The following RBFOX1 variants were observed in gnomAD, a reference collection of about 807,000 sequenced individuals.
The protein encoded by RBFOX1 is RNA binding fox-1 homolog 1, also known as RNA binding protein fox-1 homolog 1.
A neutral mutation model predicts 57.7 loss-of-function variants in RBFOX1; 8 were observed. The ratio of observed to expected loss-of-function variants is 0.14; its 90% CI spans 0.08 to 0.25. The LOEUF is 0.25. Among genes scored for constraint, RBFOX1 ranks in the 10% least tolerant of loss-of-function variants. RBFOX1 has a pLI of 1.00. For synonymous variants in RBFOX1, 326 were observed against 222.4 expected (o/e 1.47, Z -4.15); for missense variants, 611 against 548.5 (o/e 1.11, Z -1.14).
intron 4 of RBFOX1, among the ~76,000 whole-genome samples, chr16:5,966,614 C>G (rs1354196397): frequency 1.3e-5 from 2 of 152,130 alleles, no homozygotes; most frequent in Non-Finnish European, 2.9e-5. Context: ...CCACCACAGC[C>G]AGCTAATTTT....
intron 2 of RBFOX1, among the ~76,000 whole-genome samples, chr16:6,407,567 G>GTGTATGTGTC (rs67151505): frequency 1.4e-5 from 2 of 144,970 alleles, no homozygotes; most frequent in Admixed American, 1.4e-4. Context: ...GTGTGTGTGT[G>GTGTATGTGTC]ACAGAGAGAG....
At chr16:6,890,259 C>G (rs374162916) in intron 3 of RBFOX1, among the ~76,000 whole-genome samples, 7 of 152,280 alleles carry the variant, frequency 4.6e-5, no homozygotes, top group African/African-American at 1.2e-4. Flanking sequence ...TAGCTCATGC[C>G]TGTAATCCTG....
chr16:6,274,989 G>T (rs895758177), intron 1 of RBFOX1, among the ~76,000 whole-genome samples: 1 of 152,172 alleles, frequency 6.6e-6, no homozygotes, highest in East Asian at 1.9e-4. Flanking sequence ...ACTTTTAGCT[G>T]AGATATGTCG....
intron 3 of RBFOX1, among the ~76,000 whole-genome samples, chr16:5,699,442 G>A (rs7191629): frequency 0.57 from 85,318 of 150,518 alleles, 26,755 homozygotes; most frequent in Non-Finnish European, 0.72. Flanking sequence ...ACACTGGTTT[G>A]GAGACAGTAG....
intron 3 of RBFOX1, among the ~76,000 whole-genome samples, chr16:6,663,998 T>A (rs780040067): frequency 1.2e-4 from 18 of 152,220 alleles, no homozygotes; most frequent in Admixed American, 2.6e-4. Flanking sequence ...GAGTATTATG[T>A]CCTTTAATAT....
At chr16:6,807,218 C>T (rs1348369195) in intron 3 of RBFOX1, among the ~76,000 whole-genome samples, 1 of 151,884 alleles carries the variant, frequency 6.6e-6, no homozygotes, top group Non-Finnish European at 1.5e-5. Context: ...GGAGTCTGTT[C>T]CAGTAGTTCA....
intron 4 of RBFOX1, among the ~76,000 whole-genome samples, chr16:7,367,729 A>G (rs1473150967): frequency 6.6e-6 from 1 of 152,212 alleles, no homozygotes; most frequent in Non-Finnish European, 1.5e-5. Context: ...CCTTAGCTGC[A>G]GTCATTTTTT....
chr16:7,704,722 G>C (rs576329036), intron 14 of RBFOX1, among the ~76,000 whole-genome samples: 4 of 152,298 alleles, frequency 2.6e-5, no homozygotes, highest in African/African-American at 9.6e-5. Flanking sequence ...ACAACATGAA[G>C]GGGTAGGGAT....
chr16:5,779,915 T>C (rs184721252), intron 3 of RBFOX1, among the ~76,000 whole-genome samples: 9 of 152,232 alleles, frequency 5.9e-5, no homozygotes, highest in Non-Finnish European at 1.0e-4. Context: ...ATGGTAATCA[T>C]ACTGATCTGA....
intron 1 of RBFOX1, among the ~76,000 whole-genome samples, chr16:5,428,136 G>C (rs1164725410): frequency 6.7e-6 from 1 of 148,976 alleles, no homozygotes; most frequent in Non-Finnish European, 1.5e-5. Flanking sequence ...GTGTGTGTGT[G>C]TGTGTGTGTG....
At chr16:5,831,833 C>A (rs528901958) in intron 3 of RBFOX1, among the ~76,000 whole-genome samples, 1 of 152,130 alleles carries the variant, frequency 6.6e-6, no homozygotes, top group African/African-American at 2.4e-5. Flanking sequence ...GTGAAATAAA[C>A]AAATTATTTA....
intron 2 of RBFOX1, among the ~76,000 whole-genome samples, chr16:6,536,711 AC>A (rs2096740386): frequency 6.6e-6 from 1 of 152,150 alleles, no homozygotes; most frequent in Non-Finnish European, 1.5e-5. Context: ...GGTGTCTTAG[AC>A]CCAACAAGTC....
chr16:5,509,719 C>G (rs982592638), intron 2 of RBFOX1, among the ~76,000 whole-genome samples: 1 of 152,098 alleles, frequency 6.6e-6, no homozygotes, highest in African/African-American at 2.4e-5. Flanking sequence ...GGAGAGCTTT[C>G]GGGGCTTGGG....
chr16:6,738,459 A>G (rs984961838), intron 3 of RBFOX1, among the ~76,000 whole-genome samples: 2 of 152,166 alleles, frequency 1.3e-5, no homozygotes, highest in African/African-American at 4.8e-5. Flanking sequence ...ATGTGTATGT[A>G]TCGAATAAAA....
At position 6,243,908 on chromosome 16, in the gene RBFOX1, A is replaced by T. The variant is rs118175625; in HGVS notation, c.-126-73087A>T. 9.1e-4 allele frequency among the ~76,000 whole-genome samples: 139 copies of T among 152,182 alleles called. 1 individual carries two copies. The highest frequency in any genetic ancestry group is 3.4e-3 in the Middle Eastern group (1 of 294). ...CGTGTCCAGAGGCCATTGTATCAAC[A>T]CTCATGTTGGATCTGTAAGACACCC... is the stretch of plus-strand genomic sequence containing the variant. On this transcript the variant is annotated intron_variant, in intron 1 of 15. Transcript: ENST00000550418.
intron 4 of RBFOX1, among the ~76,000 whole-genome samples, chr16:6,013,248 A>T (rs1049051660): frequency 2.0e-5 from 3 of 152,252 alleles, no homozygotes; most frequent in African/African-American, 7.2e-5. Flanking sequence ...AAGTTATACT[A>T]AATAGCATAT....
At chr16:5,747,335 C>G (rs1434822565) in intron 3 of RBFOX1, among the ~76,000 whole-genome samples, 1 of 152,142 alleles carries the variant, frequency 6.6e-6, no homozygotes, top group African/African-American at 2.4e-5. Flanking sequence ...GGATATTGGT[C>G]TGAAATTCTC....
intron 3 of RBFOX1, among the ~76,000 whole-genome samples, chr16:6,811,377 T>A (rs1055666391): frequency 2.6e-5 from 4 of 152,226 alleles, no homozygotes; most frequent in African/African-American, 9.6e-5. Flanking sequence ...CTATTAAATG[T>A]GATTAGCTTT....
At chr16:6,865,484 G>C (rs1411568199) in intron 3 of RBFOX1, among the ~76,000 whole-genome samples, 1 of 152,036 alleles carries the variant, frequency 6.6e-6, no homozygotes, top group Admixed American at 6.6e-5. Context: ...GCACCTTCTT[G>C]TTTTTTAACA....
Sources: allele counts gnomAD v4.1 joint callset (sites outside exome capture counted in the v4.1 genomes callset), GRCh38; gene constraint gnomAD v4.1.1; transcripts MANE v1.5; gene names NCBI Gene and HGNC (gene_info 2026-07-23, HGNC 2026-07-21).